TAFA1: variants seen among roughly 807,000 people sequenced by gnomAD.
The protein encoded by TAFA1 is chemokine-like protein TAFA-1.
TAFA1 carries 4 observed loss-of-function variants against 18.5 expected under a neutral mutation model. That is an observed-to-expected ratio of 0.22 (90% CI 0.11 to 0.49). The LOEUF is 0.49. Ranked by LOEUF, TAFA1 falls within the 20% of genes least tolerant of loss-of-function variation. The pLI, the probability that TAFA1 is intolerant of heterozygous loss-of-function variation, is 0.98. For missense variants in TAFA1, 147 were observed against 169.0 expected (o/e 0.87, Z 0.72); for synonymous variants, 56 against 55.2 (o/e 1.01, Z -0.06).
At chr3:68,448,503 G>T (rs2071511286) in intron 3 of TAFA1, among the ~76,000 whole-genome samples, 1 of 152,090 alleles carries the variant, frequency 6.6e-6, no homozygotes, top group African/African-American at 2.4e-5. Context: ...TTCTATTTGT[G>T]ACAAAGTCAC....
intron 2 of TAFA1, among the ~76,000 whole-genome samples, chr3:68,335,887 G>C (rs1031117162): frequency 5.3e-5 from 8 of 152,272 alleles, no homozygotes; most frequent in Admixed American, 3.9e-4. Flanking sequence ...TTGTTGCTTT[G>C]TCAAGTTGTC....
chr3:68,293,160 T>C (rs887978829), intron 2 of TAFA1, among the ~76,000 whole-genome samples: 5 of 152,210 alleles, frequency 3.3e-5, no homozygotes, highest in Non-Finnish European at 7.3e-5. Flanking sequence ...GATGAGATGC[T>C]TTAATAGTAT....
intron 2 of TAFA1, among the ~76,000 whole-genome samples, chr3:68,253,461 A>G (rs1182821034): frequency 6.6e-6 from 1 of 152,052 alleles, no homozygotes; most frequent in Non-Finnish European, 1.5e-5. Context: ...ATCACTGGCC[A>G]CTCTGTATAG....
chr3:68,421,631 C>T (rs73109077), intron 3 of TAFA1, among the ~76,000 whole-genome samples: 1 of 151,694 alleles, frequency 6.6e-6, no homozygotes, highest in East Asian at 1.9e-4. Flanking sequence ...CATTTGCTTC[C>T]TAAGCTCAGT....
intron 2 of TAFA1, among the ~76,000 whole-genome samples, chr3:68,135,865 T>C (rs905850126): frequency 6.6e-6 from 1 of 152,160 alleles, no homozygotes; most frequent in African/African-American, 2.4e-5. Flanking sequence ...TCACACATAT[T>C]TGGGGGGAGG....
intron 3 of TAFA1, among the ~76,000 whole-genome samples, chr3:68,486,717 T>C (rs1238286571): frequency 1.3e-5 from 2 of 152,230 alleles, no homozygotes; most frequent in Non-Finnish European, 2.9e-5. Flanking sequence ...TTTGATGGTG[T>C]CAATGCAGCA....
At chr3:68,464,922 C>T (rs1559680706) in intron 3 of TAFA1, among the ~76,000 whole-genome samples, 1 of 152,022 alleles carries the variant, frequency 6.6e-6, no homozygotes, top group East Asian at 1.9e-4. Context: ...GATACTGTTT[C>T]CCCCTTCTTC....
intron 3 of TAFA1, among the ~76,000 whole-genome samples, chr3:68,465,115 T>C (rs1356126125): frequency 2.6e-5 from 4 of 152,122 alleles, no homozygotes; most frequent in Admixed American, 6.6e-5. Flanking sequence ...AGAAGAAATT[T>C]CTTTGCTGGG....
At chr3:68,531,382 A>T (rs1217152331) in intron 3 of TAFA1, among the ~76,000 whole-genome samples, 1 of 152,098 alleles carries the variant, frequency 6.6e-6, no homozygotes, top group Non-Finnish European at 1.5e-5. Flanking sequence ...CACTTGAAAG[A>T]GGGACAAGCG....
intron 2 of TAFA1, among the ~76,000 whole-genome samples, chr3:68,271,714 G>A (rs2067674730): frequency 6.6e-6 from 1 of 152,000 alleles, no homozygotes; most frequent in African/African-American, 2.4e-5. Flanking sequence ...ATATTTCAGA[G>A]GATGGGAGTT....
At chr3:68,041,568 C>T (rs753456258) in intron 2 of TAFA1, among the ~76,000 whole-genome samples, 2 of 152,122 alleles carry the variant, frequency 1.3e-5, no homozygotes, top group African/African-American at 4.8e-5. Flanking sequence ...GAAACTAATA[C>T]TTTGCTCATT....
At chr3:68,217,496 C>G (rs2066673747) in intron 2 of TAFA1, among the ~76,000 whole-genome samples, 1 of 151,754 alleles carries the variant, frequency 6.6e-6, no homozygotes. Flanking sequence ...TGGATGGGAT[C>G]CTAGAACAGG....
chr3:68,063,834 A>G (rs2064636672), intron 2 of TAFA1, among the ~76,000 whole-genome samples: 1 of 152,196 alleles, frequency 6.6e-6, no homozygotes, highest in African/African-American at 2.4e-5. Context: ...GCTTCACTGG[A>G]CCACTAAAGG....
At chr3:68,176,581 G>C (rs1391845993) in intron 2 of TAFA1, among the ~76,000 whole-genome samples, 5 of 152,072 alleles carry the variant, frequency 3.3e-5, no homozygotes, top group Admixed American at 6.6e-5. Context: ...TCCCATAGTG[G>C]GAAGTGCTAT....
chr3:68,524,443 A>T (rs557083724), intron 3 of TAFA1, among the ~76,000 whole-genome samples: 1 of 152,228 alleles, frequency 6.6e-6, no homozygotes, highest in South Asian at 2.1e-4. Context: ...GTAGAAGAGG[A>T]AGCATTTGTA....
At chr3:68,261,050 C>T (rs1669963576) in intron 2 of TAFA1, among the ~76,000 whole-genome samples, 1 of 151,628 alleles carries the variant, frequency 6.6e-6, no homozygotes, top group African/African-American at 2.4e-5. Context: ...CCAGAATCTA[C>T]AATGAACTCA....
intron 2 of TAFA1, among the ~76,000 whole-genome samples, chr3:68,239,246 G>C (rs9880798): frequency 6.6e-6 from 1 of 151,892 alleles, no homozygotes; most frequent in Non-Finnish European, 1.5e-5. Context: ...ATGTATTATG[G>C]AAGAAAGTAA....
chr3:68,081,082 C>T (rs1382653934), intron 2 of TAFA1, among the ~76,000 whole-genome samples: 1 of 152,168 alleles, frequency 6.6e-6, no homozygotes, highest in Non-Finnish European at 1.5e-5. Context: ...ATCACTGATA[C>T]CCTTTCTTCC....
At chr3:68,448,609 T>A (rs998822691) in intron 3 of TAFA1, among the ~76,000 whole-genome samples, 14 of 144,392 alleles carry the variant, frequency 9.7e-5, no homozygotes, top group African/African-American at 3.6e-4. Flanking sequence ...AAGAGGTGAT[T>A]TTTTTTTTTT....
Sources: gnomAD v4.1 joint callset for allele counts (sites outside exome capture counted in the v4.1 genomes callset) on GRCh38, gnomAD v4.1.1 for gene constraint, MANE v1.5 for transcripts, NCBI Gene and HGNC (gene_info 2026-07-23, HGNC 2026-07-21) for gene names.